ZNF804B: variants seen among roughly 807,000 people sequenced by gnomAD.
ZNF804B encodes the protein zinc finger protein 804B.
A neutral mutation model predicts 101.4 loss-of-function variants in ZNF804B; 80 were observed. That is an observed-to-expected ratio of 0.79 (90% CI 0.66 to 0.95). The LOEUF is 0.95. ZNF804B is among the 40% of genes least tolerant of loss of function. The pLI, the probability that ZNF804B is intolerant of heterozygous loss-of-function variation, is 0.00. For missense variants in ZNF804B, 1,673 were observed against 1,561.9 expected (o/e 1.07, Z -1.20); for synonymous variants, 622 against 558.8 (o/e 1.11, Z -1.59).
At chr7:89,096,516 A>G (rs1230071684) in intron 1 of ZNF804B, among the ~76,000 whole-genome samples, 2 of 152,172 alleles carry the variant, frequency 1.3e-5, no homozygotes, top group Non-Finnish European at 2.9e-5. Context: ...TTTCGACTCA[A>G]AAGTGATCTG....
intron 1 of ZNF804B, among the ~76,000 whole-genome samples, chr7:89,133,622 G>A (rs1290747374): frequency 2.6e-5 from 4 of 151,992 alleles, no homozygotes; most frequent in Non-Finnish European, 4.4e-5. Context: ...AGTCACTTAA[G>A]AAATAACAAA....
chr7:88,942,501 AGTGTGTGTGTGTGT>A (rs72429940), intron 1 of ZNF804B, among the ~76,000 whole-genome samples: 1 of 86,916 alleles, frequency 1.2e-5, no homozygotes, highest in Non-Finnish European at 2.8e-5. Context: ...TATTTGAGTG[AGTGTGTGTGTGTGT>A]GTGTGTGTGT....
intron 1 of ZNF804B, among the ~76,000 whole-genome samples, chr7:89,158,226 G>A (rs17308505): frequency 0.41 from 61,741 of 151,944 alleles, 13,127 homozygotes; most frequent in Non-Finnish European, 0.47. Context: ...TAAATGTTCT[G>A]AAGTTCTTCA....
intron 1 of ZNF804B, among the ~76,000 whole-genome samples, chr7:89,088,526 A>T (rs1789839516): frequency 6.6e-6 from 1 of 151,088 alleles, no homozygotes; most frequent in Non-Finnish European, 1.5e-5. Flanking sequence ...TAAAGGCCCC[A>T]TGTAATAAGG....
intron 2 of ZNF804B, among the ~76,000 whole-genome samples, chr7:89,276,441 A>G (rs577202701): frequency 6.6e-6 from 1 of 152,028 alleles, no homozygotes; most frequent in South Asian, 2.1e-4. Context: ...CAGAGACTAT[A>G]CTTTGTTTTA....
At chr7:88,866,702 T>C (rs1370347041) in intron 1 of ZNF804B, among the ~76,000 whole-genome samples, 1 of 152,152 alleles carries the variant, frequency 6.6e-6, no homozygotes. Context: ...GAACAACCTC[T>C]CAGCTCAGCT....
At chr7:88,953,879 T>C (rs1450161178) in intron 1 of ZNF804B, among the ~76,000 whole-genome samples, 2 of 151,770 alleles carry the variant, frequency 1.3e-5, no homozygotes, top group African/African-American at 4.8e-5. Flanking sequence ...ATATAAAATA[T>C]TTTTAATCAC....
intron 1 of ZNF804B, among the ~76,000 whole-genome samples, chr7:88,815,142 C>T (rs1280816437): frequency 6.8e-6 from 1 of 147,180 alleles, no homozygotes; most frequent in Admixed American, 6.8e-5. Flanking sequence ...AGATAAATTA[C>T]AATAAAAGAA....
At chr7:89,149,993 A>G (rs774065884) in intron 1 of ZNF804B, among the ~76,000 whole-genome samples, 1 of 152,030 alleles carries the variant, frequency 6.6e-6, no homozygotes, top group Non-Finnish European at 1.5e-5. Flanking sequence ...CCCACTATCC[A>G]TGGTTTCAGT....
chr7:89,016,365 G>T (rs1427652318), intron 1 of ZNF804B, among the ~76,000 whole-genome samples: 259 of 150,618 alleles, frequency 1.7e-3, no homozygotes, highest in African/African-American at 5.7e-3. Flanking sequence ...GTCAATTTTG[G>T]CTTTTGTTGC....
Position 89,152,628 on chromosome 7 carries a change from A to G in ZNF804B, c.109-65527A>G, listed in dbSNP as rs1790896732. On this transcript the variant is annotated intron_variant, in intron 1 of 3. Coordinates refer to ENST00000333190, the MANE Select transcript of ZNF804B (RefSeq NM_181646.5). The stretch of plus-strand genomic sequence containing the variant: ...TTATTTAGTCATTTCTAGTTCATAA[A>G]TTTATGTCATAATCATACATGGTTT... Among the ~76,000 whole-genome samples the G allele has an allele frequency of 2.0e-5, 3 of 152,110 alleles. No homozygotes were observed. In the South Asian group the frequency reaches 6.2e-4, roughly 31 times the overall value.
chr7:89,203,541 A>G (rs1788675836), intron 1 of ZNF804B, among the ~76,000 whole-genome samples: 1 of 152,114 alleles, frequency 6.6e-6, no homozygotes, highest in Non-Finnish European at 1.5e-5. Context: ...GATTTAAGAC[A>G]TAGAGCTTCT....
intron 3 of ZNF804B, among the ~76,000 whole-genome samples, chr7:89,332,508 G>C (rs1276204733): frequency 6.6e-6 from 1 of 151,768 alleles, no homozygotes; most frequent in Non-Finnish European, 1.5e-5. Context: ...GATTTGTATT[G>C]TCTTCTTTCC....
At chr7:89,206,174 G>A (rs62469343) in intron 1 of ZNF804B, among the ~76,000 whole-genome samples, 18,660 of 152,196 alleles carry the variant, frequency 0.12, 1,235 homozygotes, top group Middle Eastern at 0.25. Context: ...GCTTGGGCCC[G>A]GCCCATAAAA....
intron 2 of ZNF804B, among the ~76,000 whole-genome samples, chr7:89,296,673 A>C (rs1250601175): frequency 1.3e-5 from 2 of 152,110 alleles, no homozygotes; most frequent in African/African-American, 2.4e-5. Flanking sequence ...AATACTTGAC[A>C]AATTATCCAC....
At chr7:88,773,267 G>A (rs1254713656) in intron 1 of ZNF804B, among the ~76,000 whole-genome samples, 8 of 152,180 alleles carry the variant, frequency 5.3e-5, no homozygotes, top group Admixed American at 5.2e-4. Context: ...AAGTAGGAGG[G>A]GAGGCCCACT....
chr7:88,804,650 C>A (rs1050143961), intron 1 of ZNF804B, among the ~76,000 whole-genome samples: 2 of 152,084 alleles, frequency 1.3e-5, no homozygotes, highest in African/African-American at 4.8e-5. Context: ...AGTTGCTTTA[C>A]ACATACAAAT....
At chr7:88,933,922 G>A (rs922027372) in intron 1 of ZNF804B, among the ~76,000 whole-genome samples, 20 of 113,022 alleles carry the variant, frequency 1.8e-4, no homozygotes, top group African/African-American at 7.1e-4. Context: ...CGTAAAATTT[G>A]TATTAAACCA....
chr7:89,072,132 T>G (rs1268757007), intron 1 of ZNF804B, among the ~76,000 whole-genome samples: 3 of 152,198 alleles, frequency 2.0e-5, no homozygotes, highest in Non-Finnish European at 4.4e-5. Context: ...GTTTCCATGA[T>G]CTTGCTTTTG....
Sources: allele counts gnomAD v4.1 joint callset (sites outside exome capture counted in the v4.1 genomes callset), GRCh38; gene constraint gnomAD v4.1.1; transcripts MANE v1.5; gene names NCBI Gene and HGNC (gene_info 2026-07-23, HGNC 2026-07-21).